The following HID1 variants were observed in gnomAD, a reference collection of about 807,000 sequenced individuals.
HID1 encodes the protein protein HID1.
HID1 carries 42 observed loss-of-function variants against 89.7 expected under a neutral mutation model. The ratio of observed to expected loss-of-function variants is 0.47; its 90% CI spans 0.37 to 0.61. The LOEUF is 0.61. Among genes scored for constraint, HID1 ranks in the 20% least tolerant of loss-of-function variants. HID1 has a pLI of 0.00. For synonymous variants in HID1, 442 were observed against 433.8 expected, an observed-to-expected ratio of 1.02 and a Z score of -0.24; for missense variants, 854 against 1,039.3, an observed-to-expected ratio of 0.82 and a Z score of 2.45.
intron 13 of HID1, among the ~76,000 whole-genome samples, chr17:74,955,202 C>T (rs1047465033): frequency 2.6e-5 from 4 of 152,198 alleles, no homozygotes; most frequent in African/African-American, 7.2e-5. Flanking sequence ...ACTGGGCAGA[C>T]GGGCTGCTAA....
At chr17:74,971,701 G>A (rs1055717984) in intron 1 of HID1, among the ~76,000 whole-genome samples, 9 of 152,214 alleles carry the variant, frequency 5.9e-5, no homozygotes, top group African/African-American at 2.2e-4. Context: ...GGCCACGGTG[G>A]CCTGATTCAA....
Position 74,972,748 on chromosome 17 carries a change from C to T in HID1, c.-92G>A. The T allele has an allele frequency of 1.6e-6, 2 of 1,267,850 alleles. No homozygotes were observed. The highest frequency in any genetic ancestry group is 2.1e-6 in the Non-Finnish European group (2 of 949,290). 78.5% of individuals were successfully genotyped at this position (1,267,850 alleles called of 1,614,324 possible). On this transcript the variant is annotated 5_prime_UTR_variant, in exon 1 of 19. Transcript: ENST00000425042. The surrounding 1 kb of genome is among the most constrained non-coding windows in gnomAD (Gnocchi z 6.4). ...CTCCAGCTCCGCGGCCCCCGCGGCT[C>T]TCGCAGGAGACAAGCGGCGCGCCCC...
At chr17:74,957,301 C>G (rs2039404337) in intron 12 of HID1, among the ~76,000 whole-genome samples, 1 of 143,852 alleles carries the variant, frequency 7.0e-6, no homozygotes, top group African/African-American at 2.6e-5. Flanking sequence ...TGGCAAAACT[C>G]TGTCTCTACT....
Position 74,962,030 on chromosome 17 carries a change from C to A in HID1, c.612-41G>T, listed in dbSNP as rs750897173. 1 of 1,447,790 alleles carries A rather than the reference C, an allele frequency of 6.9e-7. No individual in the cohort carries two copies. The highest frequency in any genetic ancestry group is 1.4e-5 in the South Asian group (1 of 73,320). The allele number at this position is 1,447,790 out of a possible 1,614,324, so 89.7% of individuals were successfully genotyped here. A position where few individuals can be genotyped will look rare whatever the true frequency, so the allele number is the denominator to read the frequency against. ...GGGAGGGCACCTTAGGATCCCAGTCCCCTCTTGGAGGTTCTGCCCACCCAG... is the reference window on the plus strand; with the variant it reads ...GGGAGGGCACCTTAGGATCCCAGTCACCTCTTGGAGGTTCTGCCCACCCAG... On this transcript the variant is annotated intron_variant, in intron 5 of 18. Transcript: ENST00000425042. This position sits in a 1 kb window ranked among gnomAD's most constrained non-coding sequence, Gnocchi z 4.3.
Position 74,962,547 on chromosome 17 carries a change from A to G in HID1, c.505-207T>C, listed in dbSNP as rs921317603. On this transcript the variant is annotated intron_variant, in intron 4 of 18. Coordinates refer to ENST00000425042, the MANE Select transcript of HID1 (RefSeq NM_030630.3). The surrounding 1 kb of genome is among the most constrained non-coding windows in gnomAD (Gnocchi z 4.3). ...CCTCTTGAAAGCTCATTTTTCTTCCATCTCAGACTGGTTCTTTCACTTGCT... is the reference window on the plus strand; with the variant it reads ...CCTCTTGAAAGCTCATTTTTCTTCCGTCTCAGACTGGTTCTTTCACTTGCT... 1.3e-5 allele frequency among the ~76,000 whole-genome samples: 2 copies of G among 152,058 alleles called. No individual in the cohort carries two copies. Among genetic ancestry groups the G allele is most frequent in the Non-Finnish European group, 2.9e-5 (2 of 67,992 alleles).
chr17:74,965,398 C>A (rs1232974718), intron 1 of HID1, among the ~76,000 whole-genome samples: 4 of 152,224 alleles, frequency 2.6e-5, no homozygotes, highest in Admixed American at 2.6e-4. Flanking sequence ...AACCTCAGCC[C>A]AGCACTCAGC....
chr17:74,963,284 G>C (rs1020911005), intron 3 of HID1: 2 of 553,798 alleles, frequency 3.6e-6, no homozygotes, highest in African/African-American at 1.9e-5. Context: ...GCCGGGAACA[G>C]CGAGGGAACC....
In HID1 at chr17:74,953,544, C is replaced by A; in HGVS notation, c.1971+1G>T. 1 of 1,613,318 alleles carries A rather than the reference C, an allele frequency of 6.2e-7. No individual in the cohort carries two copies. Among genetic ancestry groups the A allele is most frequent in the Non-Finnish European group, 8.5e-7 (1 of 1,179,386 alleles). The stretch of plus-strand genomic sequence containing the variant: ...CGGCTCCAGGAGTCCCCGTCACCCA[C>A]CCCCTTAGCCGGGCTGCCATCCTCC... On this transcript the variant is annotated splice_donor_variant, in intron 15 of 18. Transcript: ENST00000425042. LOFTEE classifies it high-confidence loss of function.
In HID1 at chr17:74,958,719, G is replaced by A. The variant is rs752347255; in HGVS notation, c.1194C>T (p.Ile398=). ...TGAGGAAGAAGAGGATGGGGACAAG[G>A]ATGTCTAGGACGTCGCTGCTCTTCA... ...FVLKSSDVLD[I]LVPILFFLND... Residue 398 remains isoleucine (I), a synonymous_variant, in exon 10 of 19, where the codon ATC becomes ATT. Transcript: ENST00000425042. The surrounding 1 kb of genome is among the most constrained non-coding windows in gnomAD (Gnocchi z 5.2). 1.2e-6 allele frequency: 2 copies of A among 1,613,188 alleles called. No individual in the cohort carries two copies. The highest frequency in any genetic ancestry group is 4.5e-5 in the East Asian group (2 of 44,828).
At chr17:74,965,556 C>A (rs2039550045) in intron 1 of HID1, among the ~76,000 whole-genome samples, 1 of 152,206 alleles carries the variant, frequency 6.6e-6, no homozygotes, top group Admixed American at 6.5e-5. Context: ...GTTCTCTCTT[C>A]CCCCTTCCCC....
intron 6 of HID1, 81 bp from the exon 7 acceptor site, chr17:74,960,329 G>T (rs1397554873): frequency 1.6e-6 from 2 of 1,237,700 alleles, no homozygotes; most frequent in South Asian, 1.4e-5. Context: ...CACGTGGGAA[G>T]GTCAGCCTCA....
At chr17:74,957,947 AGAT>A (rs1198213125) in intron 12 of HID1, 191 bp downstream of exon 12, 1 of 589,662 alleles carries the variant, frequency 1.7e-6, no homozygotes. Context: ...CTACATGTTG[AGAT>A]GATGATAGAT....
chr17:74,952,506 G>T, intron 16 of HID1, 146 bp from the exon 17 acceptor site: 1 of 626,662 alleles, frequency 1.6e-6, no homozygotes, highest in Non-Finnish European at 2.9e-6. Flanking sequence ...AGCAGGACCC[G>T]GGAAGAGTTA....
intron 13 of HID1, among the ~76,000 whole-genome samples, chr17:74,955,158 T>C (rs2039369408): frequency 6.6e-6 from 1 of 152,150 alleles, no homozygotes; most frequent in Non-Finnish European, 1.5e-5. Flanking sequence ...GTGGCAAGGC[T>C]TGAAGTGACA....
Position 74,972,423 on chromosome 17 carries a change from G to C in HID1, c.66+168C>G, listed in dbSNP as rs2039663235. ...GGTGGGGGACTAGGGCCAGGGGATG[G>C]AGCTTCCAGGTACAGGCCGCGGGGT... On this transcript the variant is annotated intron_variant, in intron 1 of 18. Transcript: ENST00000425042. This position sits in a 1 kb window ranked among gnomAD's most constrained non-coding sequence, Gnocchi z 6.4. 6.6e-6 allele frequency among the ~76,000 whole-genome samples: 1 copy of C among 152,196 alleles called. No individual in the cohort carries two copies. Among genetic ancestry groups the C allele is most frequent in the South Asian group, 2.1e-4 (1 of 4,836 alleles).
In HID1 at chr17:74,960,264, G is replaced by C; in HGVS notation, c.729-16C>G. The C allele has an allele frequency of 6.3e-7, 1 of 1,597,284 alleles. No individual in the cohort carries two copies. The highest frequency in any genetic ancestry group is 8.5e-7 in the Non-Finnish European group (1 of 1,174,352). ...CAGGGCATGTCTGCAGCAGGAGAGG[G>C]ACAAGGCTGCAGAGGCTGCACTGGG... is the stretch of plus-strand genomic sequence containing the variant. On this transcript the variant is annotated splice_polypyrimidine_tract_variant and intron_variant, in intron 6 of 18. Coordinates refer to ENST00000425042, the MANE Select transcript of HID1 (RefSeq NM_030630.3).
chr17:74,962,986 C>T lies in HID1; in HGVS notation c.483G>A (p.Gln161=). Residue 161 remains glutamine, a synonymous_variant, in exon 4 of 19, where the codon CAG becomes CAA. Coordinates refer to ENST00000425042, the MANE Select transcript of HID1 (RefSeq NM_030630.3). This position sits in a 1 kb window ranked among gnomAD's most constrained non-coding sequence, Gnocchi z 4.3. ...TCACCACAGTGCTCCTCCGGTGGCT[C>T]TGAACCGTGAAGTCCGGGCAGAAGA... ...DLLFCPDFTV[Q]SHRRSTVDSA... is the part of the protein sequence containing the mutation. 2 of 1,613,372 alleles carry T rather than the reference C, an allele frequency of 1.2e-6. No individual in the cohort carries two copies. The highest frequency in any genetic ancestry group is 1.7e-6 in the Non-Finnish European group (2 of 1,179,554).
chr17:74,962,320 G>A lies in HID1; in HGVS notation c.525C>T (p.His175=), dbSNP rs1567962853. 6.2e-7 allele frequency: 1 copy of A among 1,611,168 alleles called. No homozygotes were observed. The highest frequency in any genetic ancestry group is 8.5e-7 in the Non-Finnish European group (1 of 1,177,850). Reference sequence around the variant, plus strand: ...AGATGTATTCACAGCTGTCCAGGGAGTGGACGTCCTCTGCCGAGTCCTGGG... The same window carrying A: ...AGATGTATTCACAGCTGTCCAGGGAATGGACGTCCTCTGCCGAGTCCTGGG... ...RSTVDSAEDV[H]SLDSCEYIWE... is the part of the protein sequence containing the mutation. Residue 175 remains histidine, a synonymous_variant, in exon 5 of 19, where the codon CAC becomes CAT. Transcript: ENST00000425042. The surrounding 1 kb of genome is among the most constrained non-coding windows in gnomAD (Gnocchi z 4.3).
rs182079738 is a variant in HID1 at position 74,962,555 on chromosome 17, C to A, written c.505-215G>T. On this transcript the variant is annotated intron_variant, in intron 4 of 18. Transcript: ENST00000425042. The surrounding 1 kb of genome is among the most constrained non-coding windows in gnomAD (Gnocchi z 4.3). ...AAGCTCATTTTTCTTCCATCTCAGA[C>A]TGGTTCTTTCACTTGCTCAGTCCAG... Among the ~76,000 whole-genome samples, 143 of 152,260 alleles carry A rather than the reference C, an allele frequency of 9.4e-4. No individual in the cohort carries two copies. Among genetic ancestry groups the A allele is most frequent in the African/African-American group, 3.3e-3 (137 of 41,560 alleles).
Sources: allele counts gnomAD v4.1 joint callset (sites outside exome capture counted in the v4.1 genomes callset), GRCh38; gene constraint gnomAD v4.1.1; non-coding constraint Gnocchi (gnomAD v3.1); transcripts MANE v1.5; gene names NCBI Gene and HGNC (gene_info 2026-07-23, HGNC 2026-07-21).